The following PROM1 variants were observed in gnomAD, a reference collection of about 807,000 sequenced individuals.
PROM1 encodes prominin 1.
A neutral mutation model predicts 116.9 loss-of-function variants in PROM1; 105 were observed. The ratio of observed to expected loss-of-function variants is 0.90; its 90% CI spans 0.77 to 1.06. The LOEUF is 1.06. PROM1 is among the 50% of genes least tolerant of loss of function. The probability of loss-of-function intolerance (pLI) is 0.00; values close to 1 mark genes in which losing one functional copy is unlikely to be tolerated. For missense variants in PROM1, 1,122 were observed against 1,045.2 expected (o/e 1.07, Z -1.01); for synonymous variants, 393 against 387.0 (o/e 1.02, Z -0.18).
intron 19 of PROM1, 29 bp downstream of exon 19, chr4:15,989,703 G>C (rs369480629): frequency 6.5e-7 from 1 of 1,541,614 alleles, no homozygotes; most frequent in Non-Finnish European, 8.9e-7. Context: ...TCAGGTCACA[G>C]TGAAATACAA....
chr4:15,989,888 C>A (rs774342207), intron 18 of PROM1, 64 bp from the exon 19 acceptor site: 4 of 1,304,956 alleles, frequency 3.1e-6, no homozygotes, highest in South Asian at 1.3e-5. Flanking sequence ...CTCTCGCTAT[C>A]CTCAGGGGCC....
rs568356554 is a variant in PROM1, at chr4:15,984,984, C to T, written c.2281-629G>A. ...CTGCTGCTCTAAGACATGGAACTGA[C>T]GGCTGATGTGCATGGATGAGTTCTG... On this transcript the variant is annotated intron_variant, in intron 22 of 27. Transcript: ENST00000447510. Among the ~76,000 whole-genome samples, 142 of 152,312 alleles carry T rather than the reference C, an allele frequency of 9.3e-4. 2 individuals are homozygous for T. The highest frequency in any genetic ancestry group is 2.3e-3 in the African/African-American group (96 of 41,564).
At chr4:16,059,490 G>C (rs550414052) in intron 2 of PROM1, among the ~76,000 whole-genome samples, 1 of 152,188 alleles carries the variant, frequency 6.6e-6, no homozygotes, top group Non-Finnish European at 1.5e-5. Flanking sequence ...GATGGCTTGA[G>C]CCCAGGAGTT....
At chr4:16,022,366 G>A (rs928150960) in intron 8 of PROM1, among the ~76,000 whole-genome samples, 1 of 152,150 alleles carries the variant, frequency 6.6e-6, no homozygotes, top group African/African-American at 2.4e-5. Flanking sequence ...TGTTATTGTC[G>A]ATGTCGAGAA....
At chr4:15,970,243 G>A (rs554415902) in intron 27 of PROM1, among the ~76,000 whole-genome samples, 38 of 148,382 alleles carry the variant, frequency 2.6e-4, no homozygotes, top group African/African-American at 7.0e-4. Flanking sequence ...TCGGCTCACT[G>A]CAACCTCTGC....
At chr4:15,997,204 T>C in intron 15 of PROM1, among the ~76,000 whole-genome samples, 1 of 150,074 alleles carries the variant, frequency 6.7e-6, no homozygotes, top group South Asian at 2.1e-4. Flanking sequence ...CTAAAAGAAA[T>C]GCATTTCAAT....
At chr4:16,025,763 G>A (rs1403010693) in intron 5 of PROM1, among the ~76,000 whole-genome samples, 4 of 152,054 alleles carry the variant, frequency 2.6e-5, no homozygotes, top group African/African-American at 7.2e-5. Context: ...ACCCCCCAAA[G>A]AAGGCTATAG....
At chr4:16,049,640 T>C (rs748632428) in intron 2 of PROM1, among the ~76,000 whole-genome samples, 13 of 152,042 alleles carry the variant, frequency 8.6e-5, no homozygotes, top group Non-Finnish European at 4.4e-5. Context: ...TATTTCAGCA[T>C]GTAGTGTTTG....
At chr4:16,050,031 G>C (rs1472868930) in intron 2 of PROM1, among the ~76,000 whole-genome samples, 1 of 152,068 alleles carries the variant, frequency 6.6e-6, no homozygotes, top group Non-Finnish European at 1.5e-5. Flanking sequence ...GAGAGGCCAA[G>C]GTGGGCAGAT....
At chr4:16,075,300 C>CAGTTGCGATGAGGTGGCA (rs1560625955) in intron 2 of PROM1, among the ~76,000 whole-genome samples, 1 of 151,962 alleles carries the variant, frequency 6.6e-6, no homozygotes, top group Non-Finnish European at 1.5e-5. Flanking sequence ...ATGAGGTGGC[C>CAGTTGCGATGAGGTGGCA]ATCAGTTGCT....
At chr4:16,016,943 C>T (rs1728550425) in intron 9 of PROM1, among the ~76,000 whole-genome samples, 2 of 152,120 alleles carry the variant, frequency 1.3e-5, no homozygotes, top group Non-Finnish European at 2.9e-5. Flanking sequence ...GGACCTGAGA[C>T]TGGAAAAAGA....
chr4:16,016,289 CA>C (rs1344566350), intron 9 of PROM1, 49 bp from the exon 10 acceptor site: 18 of 1,401,192 alleles, frequency 1.3e-5, no homozygotes, highest in Non-Finnish European at 1.7e-5. Flanking sequence ...ACCTTCAAAA[CA>C]ATTCCTCATG....
intron 2 of PROM1, among the ~76,000 whole-genome samples, chr4:16,062,082 C>T (rs1275250886): frequency 6.6e-6 from 1 of 151,850 alleles, no homozygotes; most frequent in African/African-American, 2.4e-5. Flanking sequence ...TTAGTAGAGA[C>T]GGGGTTTCAC....
Position 16,025,212 on chromosome 4 carries a change from G to T in PROM1, c.610C>A (p.Leu204Ile). 4 of 1,613,924 alleles carry T rather than the reference G, an allele frequency of 2.5e-6. No homozygotes were observed. The highest frequency in any genetic ancestry group is 3.4e-6 in the Non-Finnish European group (4 of 1,179,808). ...ADSNFKDLRT[L>I]LNETPEQIKY... Reference sequence around the variant, plus strand: ...TTTACCTCTGGAGTTTCATTCAAGAGAGTTCGCAAGTCCTTGAAATTGCTA... The same window carrying T: ...TTTACCTCTGGAGTTTCATTCAAGATAGTTCGCAAGTCCTTGAAATTGCTA... The change falls in exon 6 of 28, where the codon CTC becomes ATC. Residue 204 changes from leucine to isoleucine, a missense_variant. Leu to Ile is a conservative substitution (Grantham distance 5, BLOSUM62 2). Transcript: ENST00000447510.
At chr4:16,009,577 T>C (rs557046116) in intron 11 of PROM1, among the ~76,000 whole-genome samples, 1 of 152,260 alleles carries the variant, frequency 6.6e-6, no homozygotes, top group Non-Finnish European at 1.5e-5. Context: ...TTCGGGTGTA[T>C]CTGACTCTAA....
At chr4:16,056,195 G>A (rs1388392992) in intron 2 of PROM1, among the ~76,000 whole-genome samples, 1 of 152,180 alleles carries the variant, frequency 6.6e-6, no homozygotes, top group Non-Finnish European at 1.5e-5. Context: ...GTTTCTAGGA[G>A]CAGTCGGCCG....
chr4:16,082,358 G>C (rs547379983), intron 1 of PROM1, among the ~76,000 whole-genome samples: 52 of 152,022 alleles, frequency 3.4e-4, no homozygotes, highest in Middle Eastern at 3.4e-3. Flanking sequence ...GTCTCGGGGG[G>C]CACTCAAGAA....
chr4:15,984,362 G>T lies in PROM1; in HGVS notation c.2281-7C>A. 3.2e-6 allele frequency: 5 copies of T among 1,538,824 alleles called. No individual in the cohort carries two copies. Among genetic ancestry groups the T allele is most frequent in the East Asian group, 2.3e-5 (1 of 43,364 alleles). On this transcript the variant is annotated splice_region_variant and splice_polypyrimidine_tract_variant and intron_variant, in intron 22 of 27. Transcript: ENST00000447510. ...ATGCCACTTTCTCACTGATCTAGGGGGGTGGAAACACAGGGAAACTTTGAG... is the reference window on the plus strand; with the variant it reads ...ATGCCACTTTCTCACTGATCTAGGGTGGTGGAAACACAGGGAAACTTTGAG...
chr4:16,026,099 A>G (rs888299922), intron 5 of PROM1, among the ~76,000 whole-genome samples: 1 of 152,212 alleles, frequency 6.6e-6, no homozygotes, highest in African/African-American at 2.4e-5. Flanking sequence ...CCTCCATGTG[A>G]AATATACTTC....
Sources: allele counts gnomAD v4.1 joint callset (sites outside exome capture counted in the v4.1 genomes callset), GRCh38; gene constraint gnomAD v4.1.1; transcripts MANE v1.5; gene names NCBI Gene and HGNC (gene_info 2026-07-23, HGNC 2026-07-21).